ZNF532: variants seen among roughly 807,000 people sequenced by gnomAD.
The protein encoded by ZNF532 is zinc finger protein 532.
A neutral mutation model predicts 89.3 loss-of-function variants in ZNF532; 22 were observed. That is an observed-to-expected ratio of 0.25 (90% CI 0.18 to 0.35). ZNF532 has a LOEUF of 0.35. ZNF532 is among the 10% of genes least tolerant of loss of function. ZNF532 has a pLI of 1.00. For missense variants in ZNF532, 1,132 were observed against 1,643.4 expected (o/e 0.69, Z 5.38); for synonymous variants, 606 against 649.6 (o/e 0.93, Z 1.02).
chr18:58,916,205 C>G (rs2060589144), intron 2 of ZNF532, among the ~76,000 whole-genome samples: 1 of 152,162 alleles, frequency 6.6e-6, no homozygotes, highest in African/African-American at 2.4e-5. Context: ...TTTACAACAC[C>G]AGGATGATGA....
intron 2 of ZNF532, among the ~76,000 whole-genome samples, chr18:58,888,753 A>AATT: frequency 5.0e-5 from 2 of 40,302 alleles, no homozygotes; most frequent in Non-Finnish European, 7.8e-5. Flanking sequence ...TTATATATAT[A>AATT]TAAAATTAAT....
In ZNF532 at chr18:58,918,678, C is replaced by A; in HGVS notation, c.391C>A (p.Pro131Thr). Residue 131 changes from proline (P) to threonine (T), a missense_variant, in exon 3 of 10, where the codon CCG becomes ACG. Pro to Thr is a conservative substitution (Grantham distance 38). Transcript: ENST00000591808. ...AGACTCGACATTCAGCCAGTTTAGC[C>A]CGATCTCCAGTGCTGAAGAGTTTGA... ...LKDSTFSQFS[P>T]ISSAEEFDDD... 6.2e-7 allele frequency: 1 copy of A among 1,614,122 alleles called. No homozygotes were observed. The highest frequency in any genetic ancestry group is 8.5e-7 in the Non-Finnish European group (1 of 1,180,024).
Position 58,901,370 on chromosome 18 carries a change from C to T in ZNF532, c.-17-16901C>T, listed in dbSNP as rs2059591087. On this transcript the variant is annotated intron_variant, in intron 2 of 9. Coordinates refer to ENST00000591808, the MANE Select transcript of ZNF532 (RefSeq NM_001375912.1). ...TCCAAAGTGGGATTACAGGCGTGAG[C>T]CACTGCGCTCGGCCTCTGGCAGTTT... is the stretch of plus-strand genomic sequence containing the variant. Among the ~76,000 whole-genome samples, 8 of 152,202 alleles carry T rather than the reference C, an allele frequency of 5.3e-5. No individual in the cohort carries two copies. In the South Asian group the frequency reaches 1.4e-3, roughly 28 times the overall value.
chr18:58,974,582 A>G (rs1443030593), intron 7 of ZNF532, among the ~76,000 whole-genome samples: 2 of 152,236 alleles, frequency 1.3e-5, no homozygotes, highest in African/African-American at 2.4e-5. Context: ...CCTGAATTTC[A>G]TGTTTGCTTA....
intron 7 of ZNF532, among the ~76,000 whole-genome samples, chr18:58,956,529 A>G (rs1303390886): frequency 6.6e-6 from 1 of 152,134 alleles, no homozygotes; most frequent in African/African-American, 2.4e-5. Flanking sequence ...TCTTATATCT[A>G]TCTCCATTCA....
At chr18:58,878,336 C>T (rs575419999) in intron 2 of ZNF532, among the ~76,000 whole-genome samples, 34 of 152,240 alleles carry the variant, frequency 2.2e-4, no homozygotes, top group African/African-American at 7.9e-4. Context: ...AGATGATGGG[C>T]ACAAGTCCGG....
intron 9 of ZNF532, 91 bp from the exon 10 acceptor site, chr18:58,983,881 C>T: frequency 2.0e-6 from 3 of 1,485,718 alleles, no homozygotes; most frequent in Non-Finnish European, 1.8e-6. Flanking sequence ...CACAAGTTTT[C>T]CTGGCAGCTC....
At chr18:58,870,513 AG>A (rs1396260137) in intron 2 of ZNF532, among the ~76,000 whole-genome samples, 2 of 152,088 alleles carry the variant, frequency 1.3e-5, no homozygotes, top group African/African-American at 4.8e-5. Context: ...AAGGCAGTTG[AG>A]GGTCACCTGA....
At chr18:58,965,465 A>G (rs2065829148) in intron 7 of ZNF532, among the ~76,000 whole-genome samples, 1 of 152,260 alleles carries the variant, frequency 6.6e-6, no homozygotes, top group Non-Finnish European at 1.5e-5. Context: ...GAAAGCTGAC[A>G]TTTCAAAAGC....
chr18:58,932,636 A>G (rs1002551647), intron 3 of ZNF532: 1 of 152,144 alleles, frequency 6.6e-6, no homozygotes, highest in Non-Finnish European at 1.5e-5. Flanking sequence ...CTTAATAGGT[A>G]TGGAGCCTTG....
chr18:58,942,905 C>T (rs1428187880), intron 5 of ZNF532, among the ~76,000 whole-genome samples: 1 of 152,132 alleles, frequency 6.6e-6, no homozygotes, highest in Admixed American at 6.5e-5. Flanking sequence ...GTTAAAATAA[C>T]CTCTCACCCG....
rs532910438 is a variant in ZNF532, at chr18:58,887,550, G to T, written c.-18+21971G>T. 1.2e-3 allele frequency among the ~76,000 whole-genome samples: 184 copies of T among 152,256 alleles called. 1 individual carries two copies. The highest frequency in any genetic ancestry group is 1.8e-3 in the Non-Finnish European group (122 of 68,024). ...TATTTCCGGGGTGATGCAGCCCTCT[G>T]CCTCTCATGTGTTTGGGGTCAGTTG... On this transcript the variant is annotated intron_variant, in intron 2 of 9. Coordinates refer to ENST00000591808, the MANE Select transcript of ZNF532 (RefSeq NM_001375912.1).
At position 58,985,093 on chromosome 18, in the gene ZNF532, G is replaced by A. The variant is rs1308878763; in HGVS notation, c.*627G>A. The A allele has an allele frequency of 2.0e-5, 3 of 152,228 alleles. No homozygotes were observed. Among genetic ancestry groups the A allele is most frequent in the East Asian group, 1.9e-4 (1 of 5,174 alleles). The allele number at this position is 152,228 out of a possible 1,614,324, so 9.4% of individuals were successfully genotyped here. On this transcript the variant is annotated 3_prime_UTR_variant, in exon 10 of 10. Transcript: ENST00000591808. ...GGTGTTTAAAGCAGTCTTGCAGGTC[G>A]CTCCTTTCCCAGCCGTGGATAAAAA...
intron 2 of ZNF532, among the ~76,000 whole-genome samples, chr18:58,885,944 C>T (rs1432493072): frequency 1.3e-5 from 2 of 151,856 alleles, no homozygotes; most frequent in Non-Finnish European, 2.9e-5. Flanking sequence ...TCTGTGGTGG[C>T]ATCCTTCTGA....
At chr18:58,890,424 T>C (rs1420377125) in intron 2 of ZNF532, among the ~76,000 whole-genome samples, 3 of 151,998 alleles carry the variant, frequency 2.0e-5, no homozygotes, top group Non-Finnish European at 4.4e-5. Context: ...TTGATCCTTA[T>C]TCTTTTTTTG....
At chr18:58,897,656 TGTAAA>T (rs2059334433) in intron 2 of ZNF532, among the ~76,000 whole-genome samples, 1 of 152,152 alleles carries the variant, frequency 6.6e-6, no homozygotes, top group Non-Finnish European at 1.5e-5. Flanking sequence ...AGGGAAGAGA[TGTAAA>T]GTTAAGATTG....
At position 58,931,950 on chromosome 18, in the gene ZNF532, CAAT is replaced by C. The variant is rs537785743; in HGVS notation, c.2347-2477_2347-2475del. Among the ~76,000 whole-genome samples the C allele has an allele frequency of 2.7e-3, 412 of 152,272 alleles. 3 individuals carry two copies. The Middle Eastern group carries it at 0.044, about 16-fold the overall frequency. On this transcript the variant is annotated intron_variant, in intron 3 of 9. Coordinates refer to ENST00000591808, the MANE Select transcript of ZNF532 (RefSeq NM_001375912.1). ...GTGAGACACTATCTCAAAACAACAACAATAATAAAAAACCCAAACCAAATGGAG... is the reference window on the plus strand; with the variant it reads ...GTGAGACACTATCTCAAAACAACAACAATAAAAAACCCAAACCAAATGGAG...
intron 6 of ZNF532, among the ~76,000 whole-genome samples, chr18:58,949,930 C>A (rs2064002755): frequency 6.6e-6 from 1 of 152,138 alleles, no homozygotes; most frequent in Non-Finnish European, 1.5e-5. Context: ...AGATGCATTT[C>A]ATCATTCTCA....
At chr18:58,943,411 C>T (rs1020504540) in intron 5 of ZNF532, among the ~76,000 whole-genome samples, 1 of 150,966 alleles carries the variant, frequency 6.6e-6, no homozygotes, top group African/African-American at 2.4e-5. Flanking sequence ...CCACCCACCT[C>T]GGCTTCCCAA....
Sources: gnomAD v4.1 joint callset for allele counts (sites outside exome capture counted in the v4.1 genomes callset) on GRCh38, gnomAD v4.1.1 for gene constraint, MANE v1.5 for transcripts, NCBI Gene and HGNC (gene_info 2026-07-23, HGNC 2026-07-21) for gene names.